Variants in PHACTR1 observed in about 807,000 individuals in gnomAD.
PHACTR1 encodes RPEL repeat containing 1.
A neutral mutation model predicts 69.2 loss-of-function variants in PHACTR1; 16 were observed. The observed-to-expected ratio is 0.23, with a 90% CI of 0.16 to 0.35. The LOEUF is 0.35. PHACTR1 is among the 10% of genes least tolerant of loss of function. The pLI is 1.00. For synonymous variants in PHACTR1, 312 were observed against 284.5 expected, an observed-to-expected ratio of 1.10 and a Z score of -0.97; for missense variants, 510 against 734.7, an observed-to-expected ratio of 0.69 and a Z score of 3.54.
intron 3 of PHACTR1, among the ~76,000 whole-genome samples, chr6:12,746,785 G>A (rs753479982): frequency 2.0e-5 from 3 of 152,210 alleles, no homozygotes; most frequent in Non-Finnish European, 4.4e-5. Context: ...GCAGAGCTAA[G>A]TGTAGATATT....
intron 4 of PHACTR1, among the ~76,000 whole-genome samples, chr6:12,968,452 G>A (rs1423861279): frequency 6.6e-6 from 1 of 152,090 alleles, no homozygotes; most frequent in Non-Finnish European, 1.5e-5. Context: ...GTGGCATAAA[G>A]TACATTCACA....
intron 4 of PHACTR1, among the ~76,000 whole-genome samples, chr6:12,954,067 C>G (rs1032866184): frequency 5.2e-4 from 79 of 152,116 alleles, no homozygotes; most frequent in African/African-American, 1.9e-3. Flanking sequence ...AACAGTTGAG[C>G]TGGGCTTGAA....
chr6:13,230,430 C>T lies in PHACTR1; in HGVS notation c.1391+237C>T, dbSNP rs1770674994. 3.4e-6 allele frequency: 3 copies of T among 885,416 alleles called. No individual in the cohort carries two copies. In the Admixed American group the frequency reaches 9.6e-5, roughly 28 times the overall value. 54.8% of individuals were successfully genotyped at this position (885,416 alleles called of 1,614,324 possible). ...AGTCAGGCATGGTGGCCTGTAGTCCCAGCTACTCGGGAGGCTGAGGCAGGA... is the reference window on the plus strand; with the variant it reads ...AGTCAGGCATGGTGGCCTGTAGTCCTAGCTACTCGGGAGGCTGAGGCAGGA... On this transcript the variant is annotated intron_variant, in intron 10 of 14. Coordinates refer to ENST00000332995, the MANE Select transcript of PHACTR1 (RefSeq NM_030948.6).
chr6:12,862,840 G>A (rs530978077), intron 4 of PHACTR1, among the ~76,000 whole-genome samples: 1 of 152,158 alleles, frequency 6.6e-6, no homozygotes, highest in South Asian at 2.1e-4. Context: ...CCTTGTACCA[G>A]ATTCTATATG....
chr6:13,184,285 C>A (rs545642597), intron 7 of PHACTR1, among the ~76,000 whole-genome samples: 1 of 152,152 alleles, frequency 6.6e-6, no homozygotes, highest in Non-Finnish European at 1.5e-5. Flanking sequence ...AGAGACAGAG[C>A]GGACCCAGTG....
At chr6:12,734,415 C>T (rs1018857233) in intron 3 of PHACTR1, among the ~76,000 whole-genome samples, 1 of 152,060 alleles carries the variant, frequency 6.6e-6, no homozygotes. Flanking sequence ...AATTATATGC[C>T]TGAATCCTTG....
chr6:13,108,647 A>G (rs186404343), intron 5 of PHACTR1, among the ~76,000 whole-genome samples: 2 of 152,112 alleles, frequency 1.3e-5, no homozygotes, highest in Non-Finnish European at 2.9e-5. Flanking sequence ...AGGTTATTTT[A>G]TCTGACATTA....
intron 4 of PHACTR1, among the ~76,000 whole-genome samples, chr6:12,964,933 G>C (rs1793243862): frequency 6.6e-6 from 1 of 152,098 alleles, no homozygotes; most frequent in African/African-American, 2.4e-5. Flanking sequence ...GGGAACCACA[G>C]TGCAGGTTCC....
rs1183645421 is a variant in PHACTR1, at chr6:13,275,339, A to C, written c.1447+2424A>C. 1 of 152,298 alleles carries C rather than the reference A, an allele frequency of 6.6e-6. No homozygotes were observed. Among genetic ancestry groups the C allele is most frequent in the South Asian group, 2.1e-4 (1 of 4,828 alleles). The allele number at this position is 152,298 out of a possible 1,614,324, so 9.4% of individuals were successfully genotyped here. On this transcript the variant is annotated intron_variant, in intron 11 of 14. Transcript: ENST00000332995. The surrounding 1 kb of genome is among the most constrained non-coding windows in gnomAD (Gnocchi z 4.0). ...TAGGCCTTTCCTGGCCTGTCTTCCT[A>C]GTTGCCTAATGGGGTTGTCTTGGTA...
Position 13,216,051 on chromosome 6 carries a change from A to G in PHACTR1, c.986+9915A>G, listed in dbSNP as rs116345900. 6.0e-4 allele frequency among the ~76,000 whole-genome samples: 91 copies of G among 152,364 alleles called. 1 individual carries two copies. Among genetic ancestry groups the G allele is most frequent in the African/African-American group, 2.0e-3 (85 of 41,582 alleles). Reference sequence around the variant, plus strand: ...TATAATGTCCCCTTTTTACATTTACATATTAGCTAGAGATGAATTTGTCAA... The same window carrying G: ...TATAATGTCCCCTTTTTACATTTACGTATTAGCTAGAGATGAATTTGTCAA... On this transcript the variant is annotated intron_variant, in intron 8 of 14. Transcript: ENST00000332995.
chr6:13,259,474 G>A (rs1165098772), intron 10 of PHACTR1, among the ~76,000 whole-genome samples: 4 of 152,120 alleles, frequency 2.6e-5, no homozygotes, highest in African/African-American at 7.2e-5. Flanking sequence ...AGCCTCCAGA[G>A]AATAAAGCCA....
At chr6:13,100,168 T>C (rs1426790485) in intron 5 of PHACTR1, among the ~76,000 whole-genome samples, 1 of 152,122 alleles carries the variant, frequency 6.6e-6, no homozygotes, top group Admixed American at 6.5e-5. Flanking sequence ...CAAAAGAACA[T>C]ACAAATTTAT....
chr6:12,789,482 T>C (rs533843225), intron 4 of PHACTR1, among the ~76,000 whole-genome samples: 3 of 152,196 alleles, frequency 2.0e-5, no homozygotes, highest in Non-Finnish European at 4.4e-5. Flanking sequence ...ATTGCTATTA[T>C]GATTTTTAAA....
chr6:13,016,789 C>T (rs1800241054), intron 4 of PHACTR1, among the ~76,000 whole-genome samples: 1 of 152,048 alleles, frequency 6.6e-6, no homozygotes, highest in Non-Finnish European at 1.5e-5. Flanking sequence ...TGTTTTGGTT[C>T]AATACTAAAG....
At chr6:12,893,522 T>C (rs1417298598) in intron 4 of PHACTR1, among the ~76,000 whole-genome samples, 1 of 152,162 alleles carries the variant, frequency 6.6e-6, no homozygotes. Context: ...TTACATACTT[T>C]ATGATTTTTT....
At chr6:12,766,635 G>A (rs1390832443) in intron 4 of PHACTR1, among the ~76,000 whole-genome samples, 2 of 152,136 alleles carry the variant, frequency 1.3e-5, no homozygotes, top group East Asian at 1.9e-4. Context: ...AAATTAGAGG[G>A]TTGGTTATTA....
At chr6:12,829,508 G>A (rs1777175916) in intron 4 of PHACTR1, among the ~76,000 whole-genome samples, 1 of 152,194 alleles carries the variant, frequency 6.6e-6, no homozygotes, top group Admixed American at 6.6e-5. Flanking sequence ...CTATGCTTTA[G>A]AAACGTTGAC....
intron 4 of PHACTR1, among the ~76,000 whole-genome samples, chr6:12,940,132 C>T (rs1311368003): frequency 6.6e-6 from 1 of 152,170 alleles, no homozygotes; most frequent in African/African-American, 2.4e-5. Context: ...CCATCACAGC[C>T]TCTGCGACAC....
At chr6:13,001,101 C>T (rs1349685613) in intron 4 of PHACTR1, among the ~76,000 whole-genome samples, 2 of 152,106 alleles carry the variant, frequency 1.3e-5, no homozygotes, top group East Asian at 1.9e-4. Flanking sequence ...AGGGGATAGA[C>T]TGTGTCAGAA....
Sources: allele counts gnomAD v4.1 joint callset (sites outside exome capture counted in the v4.1 genomes callset), GRCh38; gene constraint gnomAD v4.1.1; non-coding constraint Gnocchi (gnomAD v3.1); transcripts MANE v1.5; gene names NCBI Gene and HGNC (gene_info 2026-07-23, HGNC 2026-07-21).